The following CDH13 variants were observed in gnomAD, a reference collection of about 807,000 sequenced individuals.
CDH13 encodes the protein cadherin 13.
Under a neutral mutation model 63.8 loss-of-function variants are expected in CDH13, and 24 were observed. That is an observed-to-expected ratio of 0.38 (90% CI 0.27 to 0.53). The LOEUF (loss-of-function observed/expected upper bound fraction) is 0.53, where lower values mean the gene tolerates loss of function less well. Among genes scored for constraint, CDH13 ranks in the 20% least tolerant of loss-of-function variants. The pLI is 0.85. For missense variants in CDH13, 1,049 were observed against 903.1 expected, an observed-to-expected ratio of 1.16 and a Z score of -2.07; for synonymous variants, 503 against 355.3, an observed-to-expected ratio of 1.42 and a Z score of -4.67.
At chr16:83,685,725 G>C (rs181424139) in intron 10 of CDH13, among the ~76,000 whole-genome samples, 4 of 152,170 alleles carry the variant, frequency 2.6e-5, no homozygotes, top group Non-Finnish European at 4.4e-5. Flanking sequence ...ATCCCAAGTC[G>C]AGAAGAAGGA....
intron 1 of CDH13, among the ~76,000 whole-genome samples, chr16:82,695,777 G>A (rs1203602732): frequency 2.0e-5 from 3 of 152,208 alleles, no homozygotes; most frequent in African/African-American, 4.8e-5. Context: ...GCTATACCAT[G>A]CAGCCTGGTA....
At chr16:83,467,892 G>A (rs984366633) in intron 6 of CDH13, among the ~76,000 whole-genome samples, 25 of 152,200 alleles carry the variant, frequency 1.6e-4, no homozygotes, top group African/African-American at 4.6e-4. Flanking sequence ...TAAACAGTCC[G>A]TTTGACAGGG....
chr16:83,660,837 T>C lies in CDH13; in HGVS notation c.1102-9953T>C, dbSNP rs558208843. ...ATCTTGTCAGATGAACAAATGTGTT[T>C]TGCATTTTCTTTCATTTTTTAAAGA... On this transcript the variant is annotated intron_variant, in intron 8 of 13. Coordinates refer to ENST00000567109, the MANE Select transcript of CDH13 (RefSeq NM_001257.5). Among the ~76,000 whole-genome samples the C allele has an allele frequency of 1.1e-4, 17 of 152,352 alleles. No individual in the cohort carries two copies. In the East Asian group the frequency reaches 3.3e-3, roughly 29 times the overall value.
intron 2 of CDH13, among the ~76,000 whole-genome samples, chr16:82,878,224 C>T (rs911439627): frequency 1.3e-5 from 2 of 151,912 alleles, no homozygotes; most frequent in Non-Finnish European, 2.9e-5. Context: ...AATGCTCCTT[C>T]ACTGAAATCT....
At chr16:82,778,429 T>A (rs1597548240) in intron 1 of CDH13, among the ~76,000 whole-genome samples, 1 of 152,124 alleles carries the variant, frequency 6.6e-6, no homozygotes, top group African/African-American at 2.4e-5. Flanking sequence ...ACGTTGCTGC[T>A]ATGTACTTTC....
chr16:83,792,523 T>G (rs1239990201), intron 13 of CDH13, among the ~76,000 whole-genome samples: 1 of 152,228 alleles, frequency 6.6e-6, no homozygotes, highest in Non-Finnish European at 1.5e-5. Flanking sequence ...AGTTGAAATG[T>G]CTAGAGACAT....
intron 4 of CDH13, among the ~76,000 whole-genome samples, chr16:83,209,936 C>T (rs2039292342): frequency 6.6e-6 from 1 of 152,140 alleles, no homozygotes; most frequent in African/African-American, 2.4e-5. Flanking sequence ...AAGAAAGGCA[C>T]AGCTCAGAGG....
chr16:83,498,553 A>T (rs530074948), intron 7 of CDH13, among the ~76,000 whole-genome samples: 1 of 152,270 alleles, frequency 6.6e-6, no homozygotes, highest in South Asian at 2.1e-4. Context: ...TCCCTAGAAA[A>T]CGTACTTTAT....
chr16:83,247,010 C>A (rs751226644), intron 5 of CDH13, among the ~76,000 whole-genome samples: 4 of 152,152 alleles, frequency 2.6e-5, no homozygotes, highest in African/African-American at 4.8e-5. Flanking sequence ...TGGCATGAAC[C>A]AGAAAGGATA....
At chr16:83,077,323 T>C (rs1435523457) in intron 3 of CDH13, among the ~76,000 whole-genome samples, 1 of 150,906 alleles carries the variant, frequency 6.6e-6, no homozygotes, top group Non-Finnish European at 1.5e-5. Context: ...TTCTGAGTAG[T>C]TGGAATTACA....
At chr16:83,163,291 C>G (rs576399104) in intron 4 of CDH13, among the ~76,000 whole-genome samples, 26 of 152,170 alleles carry the variant, frequency 1.7e-4, no homozygotes, top group African/African-American at 5.5e-4. Flanking sequence ...ATACACTCAC[C>G]TATGTAGGGA....
Position 83,214,658 on chromosome 16 carries a change from C to A in CDH13, c.484-2687C>A, listed in dbSNP as rs998548486. 2.1e-5 allele frequency among the ~76,000 whole-genome samples: 3 copies of A among 146,128 alleles called. No individual in the cohort carries two copies. The South Asian group carries it at 6.7e-4, about 33-fold the overall frequency. ...TAGAGATACCATTCTTACCCATTAA[C>A]AACAGTGTAATTTTATTGTGATGAT... On this transcript the variant is annotated intron_variant, in intron 4 of 13. Coordinates refer to ENST00000567109, the MANE Select transcript of CDH13 (RefSeq NM_001257.5).
At chr16:83,290,421 GA>G (rs1360384277) in intron 5 of CDH13, among the ~76,000 whole-genome samples, 4 of 152,058 alleles carry the variant, frequency 2.6e-5, no homozygotes, top group Non-Finnish European at 4.4e-5. Context: ...TGGTAGTGAA[GA>G]AGTCTCACGA....
intron 2 of CDH13, among the ~76,000 whole-genome samples, chr16:82,935,733 T>C (rs2042646553): frequency 6.6e-6 from 1 of 151,966 alleles, no homozygotes; most frequent in African/African-American, 2.4e-5. Flanking sequence ...GTCATTAGAG[T>C]CTCATAGAAA....
chr16:83,548,596 C>G (rs1265748193), intron 7 of CDH13, among the ~76,000 whole-genome samples: 3 of 152,100 alleles, frequency 2.0e-5, no homozygotes, highest in Non-Finnish European at 4.4e-5. Context: ...CCCCGGATAG[C>G]CAGTTCTTTT....
rs1331260504 is a variant in CDH13 at position 83,789,345 on chromosome 16, TTGTTTGTC to T, written c.2135-5672_2135-5665del. Among the ~76,000 whole-genome samples, 70 of 146,512 alleles carry T rather than the reference TTGTTTGTC, an allele frequency of 4.8e-4. 3 individuals are homozygous for T. Among genetic ancestry groups the T allele is most frequent in the Middle Eastern group, 3.5e-3 (1 of 284 alleles). On this transcript the variant is annotated intron_variant, in intron 13 of 13. Transcript: ENST00000567109. The stretch of plus-strand genomic sequence containing the variant: ...CTGAAATTAGTAGCTTTCTTTTTTT[TTGTTTGTC>T]TGTTTTGTTTTAAGACTGAGTCTTG...
At chr16:83,615,156 C>T (rs1324581347) in intron 8 of CDH13, among the ~76,000 whole-genome samples, 1 of 152,134 alleles carries the variant, frequency 6.6e-6, no homozygotes, top group African/African-American at 2.4e-5. Flanking sequence ...ATCCAGTCCT[C>T]CAGGATTCCG....
At chr16:82,804,054 C>G (rs973794960) in intron 1 of CDH13, among the ~76,000 whole-genome samples, 2 of 152,078 alleles carry the variant, frequency 1.3e-5, no homozygotes, top group African/African-American at 4.8e-5. Flanking sequence ...ATGGTAAAAC[C>G]TTGTCTCTAC....
At chr16:82,658,868 C>T (rs1178899514) in intron 1 of CDH13, among the ~76,000 whole-genome samples, 2 of 152,188 alleles carry the variant, frequency 1.3e-5, no homozygotes, top group African/African-American at 4.8e-5. Flanking sequence ...ATGGAAGATT[C>T]TGTAACTTTG....
Sources: allele counts gnomAD v4.1 joint callset (sites outside exome capture counted in the v4.1 genomes callset), GRCh38; gene constraint gnomAD v4.1.1; transcripts MANE v1.5; gene names NCBI Gene and HGNC (gene_info 2026-07-23, HGNC 2026-07-21).